Variants in SYN3 observed in about 807,000 individuals in gnomAD.
SYN3 encodes synapsin III.
SYN3 carries 35 observed loss-of-function variants against 65.8 expected under a neutral mutation model. That is an observed-to-expected ratio of 0.53 (90% CI 0.41 to 0.70). The LOEUF (loss-of-function observed/expected upper bound fraction) is 0.70, where lower values mean the gene tolerates loss of function less well. Among genes scored for constraint, SYN3 ranks in the 30% least tolerant of loss-of-function variants. SYN3 has a pLI of 0.00. For synonymous variants in SYN3, 270 were observed against 292.9 expected (o/e 0.92, Z 0.80); for missense variants, 680 against 749.0 (o/e 0.91, Z 1.08).
intron 13 of SYN3, among the ~76,000 whole-genome samples, chr22:32,514,268 C>G (rs1365460090): frequency 6.6e-6 from 1 of 152,196 alleles, no homozygotes; most frequent in Non-Finnish European, 1.5e-5. Context: ...TATCAGGAGG[C>G]CTGTATTCTA....
At chr22:32,806,594 G>A (rs2046744962) in intron 6 of SYN3, among the ~76,000 whole-genome samples, 1 of 152,180 alleles carries the variant, frequency 6.6e-6, no homozygotes, top group Middle Eastern at 3.2e-3. Flanking sequence ...CTTGTTGGCT[G>A]TGTGTGCCTA....
chr22:32,705,826 G>T lies in SYN3; in HGVS notation c.712-109090C>A, dbSNP rs1601947458. Among the ~76,000 whole-genome samples, 3 of 152,190 alleles carry T rather than the reference G, an allele frequency of 2.0e-5. No homozygotes were observed. In the East Asian group the frequency reaches 5.8e-4, roughly 29 times the overall value. On this transcript the variant is annotated intron_variant, in intron 6 of 13. Transcript: ENST00000358763. The stretch of plus-strand genomic sequence containing the variant: ...TATTCACTTTGTGGCAATTGTGAAT[G>T]GGACTGTGTTCCTGATTTGGCTCTC...
At chr22:32,658,253 G>A (rs1031115010) in intron 6 of SYN3, among the ~76,000 whole-genome samples, 1 of 152,240 alleles carries the variant, frequency 6.6e-6, no homozygotes, top group Non-Finnish European at 1.5e-5. Flanking sequence ...GAAGGTGGTC[G>A]GTGACGAGCA....
chr22:32,652,476 C>T (rs911551616), intron 6 of SYN3, among the ~76,000 whole-genome samples: 17 of 148,598 alleles, frequency 1.1e-4, no homozygotes, highest in Admixed American at 2.7e-4. Context: ...TTGCTTTCAT[C>T]GTCTCAACTG....
chr22:32,668,641 C>A (rs1419311060), intron 6 of SYN3, among the ~76,000 whole-genome samples: 1 of 152,148 alleles, frequency 6.6e-6, no homozygotes, highest in Non-Finnish European at 1.5e-5. Flanking sequence ...AATCCCATTG[C>A]AGAACTGATG....
At position 32,959,990 on chromosome 22, in the gene SYN3, G is replaced by A. The variant is rs922517407; in HGVS notation, c.369+20655C>T. ...TAATTTTTTAATCTGCTTAAATATTGGGTTTTACATAAAATTTAATTGGAA... is the reference window on the plus strand; with the variant it reads ...TAATTTTTTAATCTGCTTAAATATTAGGTTTTACATAAAATTTAATTGGAA... On this transcript the variant is annotated intron_variant, in intron 3 of 13. Transcript: ENST00000358763. 5.9e-5 allele frequency among the ~76,000 whole-genome samples: 9 copies of A among 152,096 alleles called. No homozygotes were observed. In the East Asian group the frequency reaches 1.5e-3, roughly 26 times the overall value.
intron 6 of SYN3, among the ~76,000 whole-genome samples, chr22:32,726,775 C>T (rs1002992401): frequency 6.6e-6 from 1 of 152,128 alleles, no homozygotes; most frequent in Admixed American, 6.6e-5. Flanking sequence ...CCTGAAGAAA[C>T]TATTTAAGGG....
chr22:32,950,719 G>A (rs2051265247), intron 3 of SYN3, among the ~76,000 whole-genome samples: 1 of 152,180 alleles, frequency 6.6e-6, no homozygotes, highest in Non-Finnish European at 1.5e-5. Flanking sequence ...AGGTTGCACT[G>A]CTTAGTTCTA....
chr22:32,949,408 T>G (rs1274378953), intron 3 of SYN3, among the ~76,000 whole-genome samples: 1 of 151,460 alleles, frequency 6.6e-6, no homozygotes, highest in Non-Finnish European at 1.5e-5. Flanking sequence ...AGAGCGAGAC[T>G]CTATGTCAAA....
At chr22:32,887,599 C>T (rs1356290694) in intron 4 of SYN3, among the ~76,000 whole-genome samples, 3 of 152,196 alleles carry the variant, frequency 2.0e-5, no homozygotes, top group Non-Finnish European at 4.4e-5. Flanking sequence ...TGCCCAGCCC[C>T]TGGCCCCCAC....
intron 4 of SYN3, among the ~76,000 whole-genome samples, chr22:32,885,204 G>A (rs1569302664): frequency 6.6e-6 from 1 of 151,990 alleles, no homozygotes; most frequent in Non-Finnish European, 1.5e-5. Context: ...TATATCTTCT[G>A]AATATGAAGA....
intron 6 of SYN3, chr22:32,849,454 A>G (rs764049865): frequency 6.2e-7 from 1 of 1,613,466 alleles, no homozygotes; most frequent in East Asian, 2.2e-5. Flanking sequence ...CTCTGCAGTG[A>G]TCCGGGCCAA....
rs920374410 is a variant in SYN3, at chr22:32,574,999, C to A, written c.774+21675G>T. On this transcript the variant is annotated intron_variant, in intron 7 of 13. Transcript: ENST00000358763. The stretch of plus-strand genomic sequence containing the variant: ...TTGCACACTAGCAGGTGTTTAGGAA[C>A]AATTTACTGAATGAATAAAGGGATG... 4.6e-5 allele frequency among the ~76,000 whole-genome samples: 7 copies of A among 152,316 alleles called. No individual in the cohort carries two copies. The South Asian group carries it at 8.3e-4, about 18-fold the overall frequency.
chr22:33,048,290 T>C (rs1198933184), intron 1 of SYN3, among the ~76,000 whole-genome samples: 4 of 152,164 alleles, frequency 2.6e-5, no homozygotes, highest in African/African-American at 9.7e-5. Context: ...TAACGTGATA[T>C]AATTTGGATG....
intron 10 of SYN3, among the ~76,000 whole-genome samples, chr22:32,532,604 G>A (rs1298523276): frequency 6.6e-6 from 1 of 152,234 alleles, no homozygotes; most frequent in Non-Finnish European, 1.5e-5. Flanking sequence ...GTTCATCCTG[G>A]ACTCCCTCCT....
intron 2 of SYN3, among the ~76,000 whole-genome samples, chr22:32,992,006 C>T (rs901082237): frequency 3.9e-5 from 6 of 152,216 alleles, no homozygotes; most frequent in African/African-American, 1.4e-4. Context: ...AAATCTACTC[C>T]ACCCCAGGAG....
chr22:32,707,655 T>C lies in SYN3; in HGVS notation c.712-110919A>G, dbSNP rs149420553. 3.1e-4 allele frequency among the ~76,000 whole-genome samples: 47 copies of C among 150,356 alleles called. No homozygotes were observed. The East Asian group carries it at 7.5e-3, about 24-fold the overall frequency. On this transcript the variant is annotated intron_variant, in intron 6 of 13. Coordinates refer to ENST00000358763, the MANE Select transcript of SYN3 (RefSeq NM_003490.4). Reference sequence around the variant, plus strand: ...TGGGAGGCCCAAATGAGATAATAAGTGGGAGTAACTGGCATGAAATGGAGA... The same window carrying C: ...TGGGAGGCCCAAATGAGATAATAAGCGGGAGTAACTGGCATGAAATGGAGA...
chr22:32,731,881 A>G (rs1258653379), intron 6 of SYN3, among the ~76,000 whole-genome samples: 1 of 152,240 alleles, frequency 6.6e-6, no homozygotes, highest in Non-Finnish European at 1.5e-5. Flanking sequence ...ATGGAAAACC[A>G]GCTTCACTGC....
chr22:32,534,032 C>G (rs990308103), intron 9 of SYN3, 137 bp from the exon 10 acceptor site: 3 of 607,430 alleles, frequency 4.9e-6, no homozygotes, highest in Admixed American at 2.4e-5. Flanking sequence ...TGGAGAGAGA[C>G]AGAGAAGCAG....
Sources: allele counts gnomAD v4.1 joint callset (sites outside exome capture counted in the v4.1 genomes callset), GRCh38; gene constraint gnomAD v4.1.1; transcripts MANE v1.5; gene names NCBI Gene and HGNC (gene_info 2026-07-23, HGNC 2026-07-21).